The following MYL4 variants were observed in gnomAD, a reference collection of about 807,000 sequenced individuals.
MYL4 encodes atrial myosin light chain 1.
In MYL4, 16 loss-of-function variants were observed where a neutral mutation model predicts 21.6. That is an observed-to-expected ratio of 0.74 (90% confidence interval 0.50 to 1.12). The LOEUF is 1.12. Among genes scored for constraint, MYL4 ranks in the 50% most tolerant of loss-of-function variants. The probability of loss-of-function intolerance (pLI) is 0.00; values close to 1 mark genes in which losing one functional copy is unlikely to be tolerated. For synonymous variants in MYL4, 82 were observed against 95.7 expected, an observed-to-expected ratio of 0.86 and a Z score of 0.83; for missense variants, 249 against 252.9, an observed-to-expected ratio of 0.98 and a Z score of 0.11.
chr17:47,225,030 A>G (rs1393261288), downstream of MYL4, among the ~76,000 whole-genome samples: 2 of 152,250 alleles, frequency 1.3e-5, no homozygotes, highest in Non-Finnish European at 2.9e-5. Context: ...CAGTCATCCC[A>G]GAAAGGGAGT....
At chr17:47,223,775 C>T (rs1417167669), downstream of MYL4, 3 of 152,112 alleles carry the variant, frequency 2.0e-5, no homozygotes, top group Admixed American at 2.0e-4. Flanking sequence ...GATAAAGTCA[C>T]CTGAGGCCTC....
At chr17:47,194,859 G>GCTT in the MYL4 span, among the ~76,000 whole-genome samples, 7 of 151,870 alleles carry the variant, frequency 4.6e-5, no homozygotes, top group African/African-American at 1.7e-4. Context: ...TCTCACCTTA[G>GCTT]CTTCCCAAGT....
intron 1 of MYL4, among the ~76,000 whole-genome samples, chr17:47,201,819 C>T (rs2064710703): frequency 6.6e-6 from 1 of 152,060 alleles, no homozygotes; most frequent in South Asian, 2.1e-4. Flanking sequence ...CCACTCTAGG[C>T]AATTATTGAA....
chr17:47,204,731 GAA>G (rs11307481), upstream of MYL4, among the ~76,000 whole-genome samples: 27,631 of 141,366 alleles, frequency 0.2, 2,869 homozygotes, highest in Non-Finnish European at 0.23. Context: ...ACCCTGTCTC[GAA>G]AAAAAAAAAA....
chr17:47,194,977 G>A, the MYL4 span, among the ~76,000 whole-genome samples: 1 of 151,692 alleles, frequency 6.6e-6, no homozygotes, highest in African/African-American at 2.4e-5. Context: ...CTGAGCTCAA[G>A]TGGTCCACCC....
At chr17:47,226,355 G>A (rs1290427511), downstream of MYL4, among the ~76,000 whole-genome samples, 1 of 152,208 alleles carries the variant, frequency 6.6e-6, no homozygotes, top group Non-Finnish European at 1.5e-5. Flanking sequence ...GGTGCCCCAA[G>A]GTTGGTGCTT....
At chr17:47,226,949 G>A (rs1324260504), downstream of MYL4, among the ~76,000 whole-genome samples, 1 of 152,126 alleles carries the variant, frequency 6.6e-6, no homozygotes, top group Non-Finnish European at 1.5e-5. Context: ...CCACCTCCCA[G>A]GTTCAAGCGA....
chr17:47,214,303 A>G (rs1336040938), intron 2 of MYL4, among the ~76,000 whole-genome samples: 1 of 152,162 alleles, frequency 6.6e-6, no homozygotes, highest in Non-Finnish European at 1.5e-5. Flanking sequence ...CATTATTGGA[A>G]AGCCCTCCTT....
chr17:47,199,270 T>A (rs2064700810), upstream of MYL4, among the ~76,000 whole-genome samples: 1 of 148,896 alleles, frequency 6.7e-6, no homozygotes. Flanking sequence ...ACCACTGTAT[T>A]CCAGCTGGAG....
In MYL4 at chr17:47,209,685, G is replaced by A. The variant is rs777626883; in HGVS notation, c.135+128G>A. ...GACTAGGGTGTCCATGCCCCAGATCGCAGTCCCATGGGGCAGTGGAGTGGG... is the reference window on the plus strand; with the variant it reads ...GACTAGGGTGTCCATGCCCCAGATCACAGTCCCATGGGGCAGTGGAGTGGG... On this transcript the variant is annotated intron_variant, in intron 1 of 6. Transcript: ENST00000393450. The A allele has an allele frequency of 1.0e-5, 14 of 1,400,864 alleles. 1 individual carries two copies. Among genetic ancestry groups the A allele is most frequent in the Middle Eastern group, 3.6e-4 (2 of 5,610 alleles). The allele number at this position is 1,400,864 out of a possible 1,614,324, so 86.8% of individuals were successfully genotyped here. A position where few individuals can be genotyped will look rare whatever the true frequency, so the allele number is the denominator to read the frequency against.
intron 1 of MYL4, among the ~76,000 whole-genome samples, chr17:47,212,398 T>C (rs1338629950): frequency 6.6e-6 from 1 of 152,168 alleles, no homozygotes; most frequent in Non-Finnish European, 1.5e-5. Context: ...CAGTGAACAA[T>C]AACAAGAATC....
downstream of MYL4, among the ~76,000 whole-genome samples, chr17:47,226,004 G>A (rs1395151992): frequency 2.0e-5 from 3 of 151,902 alleles, no homozygotes; most frequent in Admixed American, 6.6e-5. Context: ...TACCTGATAG[G>A]TAGTTTTTTG....
upstream of MYL4, among the ~76,000 whole-genome samples, chr17:47,196,730 A>G (rs2064690273): frequency 2.0e-5 from 3 of 152,190 alleles, no homozygotes; most frequent in South Asian, 6.2e-4. Flanking sequence ...CTCTCATGCC[A>G]TTTTTGTTCT....
the MYL4 span, among the ~76,000 whole-genome samples, chr17:47,194,130 G>A: frequency 9.4e-3 from 1,438 of 152,298 alleles, 14 homozygotes; most frequent in African/African-American, 0.033. Flanking sequence ...ACTTTTTAGA[G>A]CTCCAGGCCC....
intron 2 of MYL4, among the ~76,000 whole-genome samples, chr17:47,217,140 T>G (rs887023120): frequency 2.4e-4 from 32 of 133,264 alleles, no homozygotes; most frequent in Non-Finnish European, 3.9e-4. Context: ...CCAGACACCA[T>G]GCTAATTGTT....
At chr17:47,194,782 A>G in the MYL4 span, among the ~76,000 whole-genome samples, 1 of 151,462 alleles carries the variant, frequency 6.6e-6, no homozygotes, top group African/African-American at 2.4e-5. Flanking sequence ...TTTTTGAGAC[A>G]GGGTCTCTGT....
At chr17:47,202,249 G>A (rs1380043694) in intron 1 of MYL4, among the ~76,000 whole-genome samples, 1 of 152,166 alleles carries the variant, frequency 6.6e-6, no homozygotes, top group South Asian at 2.1e-4. Context: ...GCCTCCCAAA[G>A]TGTTGGGATT....
intron 1 of MYL4, 90 bp downstream of exon 1, chr17:47,209,647 G>T (rs1473349871): frequency 6.3e-7 from 1 of 1,599,896 alleles, no homozygotes; most frequent in South Asian, 1.1e-5. Flanking sequence ...TATGTGGGCT[G>T]GACTGGGATG....
downstream of MYL4, among the ~76,000 whole-genome samples, chr17:47,224,633 T>C (rs1208700451): frequency 1.3e-5 from 2 of 152,240 alleles, no homozygotes; most frequent in South Asian, 2.1e-4. Context: ...TTGTCTTTTG[T>C]GACCGGCTTA....
Sources: allele counts gnomAD v4.1 joint callset (sites outside exome capture counted in the v4.1 genomes callset), GRCh38; gene constraint gnomAD v4.1.1; transcripts MANE v1.5; gene names NCBI Gene and HGNC (gene_info 2026-07-23, HGNC 2026-07-21).